Variants in PDZRN4 observed in about 807,000 individuals in gnomAD.
PDZRN4 encodes PDZ domain-containing RING finger protein 4.
In PDZRN4, 70 loss-of-function variants were observed where a neutral mutation model predicts 99.0. The ratio of observed to expected loss-of-function variants is 0.71; its 90% confidence interval spans 0.58 to 0.86. The LOEUF is 0.86. Ranked by LOEUF, PDZRN4 falls within the 40% of genes least tolerant of loss-of-function variation. The pLI, the probability that PDZRN4 is intolerant of heterozygous loss-of-function variation, is 0.00. For synonymous variants in PDZRN4, 551 were observed against 501.6 expected (o/e 1.10, Z -1.32); for missense variants, 1,474 against 1,331.2 (o/e 1.11, Z -1.67).
intron 3 of PDZRN4, among the ~76,000 whole-genome samples, chr12:41,250,785 G>A (rs1423833234): frequency 6.6e-6 from 1 of 152,126 alleles, no homozygotes; most frequent in Admixed American, 6.6e-5. Flanking sequence ...ATCTTTCCTG[G>A]GTGTTTTTCT....
At chr12:41,263,907 T>A (rs1207969088) in intron 3 of PDZRN4, among the ~76,000 whole-genome samples, 1 of 152,196 alleles carries the variant, frequency 6.6e-6, no homozygotes, top group Non-Finnish European at 1.5e-5. Context: ...TTTACATTTA[T>A]CCATCAACAT....
chr12:41,387,573 CAG>C (rs1171687878), intron 3 of PDZRN4, among the ~76,000 whole-genome samples: 1 of 152,072 alleles, frequency 6.6e-6, no homozygotes, highest in Non-Finnish European at 1.5e-5. Context: ...GCCTGGGTGA[CAG>C]AGCAAGACTC....
intron 3 of PDZRN4, among the ~76,000 whole-genome samples, chr12:41,330,971 AT>A (rs1951738067): frequency 6.6e-6 from 1 of 152,106 alleles, no homozygotes; most frequent in South Asian, 2.1e-4. Context: ...TAATATAGTT[AT>A]TTTGTTCCAT....
intron 3 of PDZRN4, among the ~76,000 whole-genome samples, chr12:41,243,693 T>C (rs1300163592): frequency 6.6e-6 from 1 of 152,212 alleles, no homozygotes; most frequent in Non-Finnish European, 1.5e-5. Flanking sequence ...TAATGGTTTT[T>C]CTTACTATGT....
At chr12:41,298,764 T>C (rs1233791042) in intron 3 of PDZRN4, among the ~76,000 whole-genome samples, 3 of 152,182 alleles carry the variant, frequency 2.0e-5, no homozygotes, top group East Asian at 1.9e-4. Flanking sequence ...TAGAAAGAAA[T>C]ATAAATGTTC....
intron 3 of PDZRN4, among the ~76,000 whole-genome samples, chr12:41,382,812 C>T (rs759142244): frequency 4.6e-5 from 7 of 152,124 alleles, no homozygotes; most frequent in African/African-American, 7.2e-5. Flanking sequence ...AGCACAAGAA[C>T]GTGTTAAGAA....
chr12:41,214,829 G>T (rs558513743), intron 3 of PDZRN4, among the ~76,000 whole-genome samples: 82 of 152,094 alleles, frequency 5.4e-4, no homozygotes, highest in African/African-American at 1.9e-3. Context: ...AGAAGTCTGT[G>T]ACTCACAAAT....
intron 5 of PDZRN4, among the ~76,000 whole-genome samples, chr12:41,551,977 G>A (rs1370016345): frequency 6.6e-6 from 1 of 152,108 alleles, no homozygotes; most frequent in African/African-American, 2.4e-5. Flanking sequence ...CCTTAGCCAT[G>A]TGTTTCAGTA....
At chr12:41,458,399 C>T (rs932344073) in intron 3 of PDZRN4, among the ~76,000 whole-genome samples, 6 of 152,230 alleles carry the variant, frequency 3.9e-5, no homozygotes, top group Admixed American at 2.6e-4. Flanking sequence ...TCAGGTGATC[C>T]GCCTGCCTTG....
chr12:41,506,383 T>C, intron 3 of PDZRN4, 73 bp from the exon 4 acceptor site: 1 of 1,403,900 alleles, frequency 7.1e-7, no homozygotes, highest in African/African-American at 1.4e-5. Flanking sequence ...TTTCTCTCTG[T>C]CTTTTATTAA....
intron 5 of PDZRN4, among the ~76,000 whole-genome samples, chr12:41,527,740 A>T (rs1938594004): frequency 6.6e-6 from 1 of 152,210 alleles, no homozygotes; most frequent in South Asian, 2.1e-4. Flanking sequence ...TAAGGAGCCA[A>T]GACAGTCACC....
At chr12:41,519,600 AT>A (rs145818057) in intron 5 of PDZRN4, among the ~76,000 whole-genome samples, 3,885 of 149,302 alleles carry the variant, frequency 0.026, 168 homozygotes, top group African/African-American at 0.086. Context: ...TTCTTCAGTG[AT>A]TTTTTTTTTA....
At chr12:41,411,067 A>ATATATATATATAT (rs34064559) in intron 3 of PDZRN4, among the ~76,000 whole-genome samples, 4 of 140,436 alleles carry the variant, frequency 2.8e-5, no homozygotes, top group African/African-American at 1.1e-4. Flanking sequence ...ATATATATAT[A>ATATATATATATAT]TTTTTTTTTT....
chr12:41,207,980 G>A (rs766861849), intron 3 of PDZRN4, among the ~76,000 whole-genome samples: 10 of 151,668 alleles, frequency 6.6e-5, no homozygotes, highest in Non-Finnish European at 1.0e-4. Context: ...GAAATATAGT[G>A]ATCATTATGT....
chr12:41,250,235 C>A (rs1007747681), intron 3 of PDZRN4, among the ~76,000 whole-genome samples: 2 of 152,114 alleles, frequency 1.3e-5, no homozygotes, highest in Non-Finnish European at 1.5e-5. Flanking sequence ...CAAAAGCGAA[C>A]AACTAATTTT....
At chr12:41,423,808 G>T (rs1952511349) in intron 3 of PDZRN4, among the ~76,000 whole-genome samples, 1 of 152,150 alleles carries the variant, frequency 6.6e-6, no homozygotes, top group Non-Finnish European at 1.5e-5. Context: ...GCTATGGGGA[G>T]CTGGGGTAAG....
At chr12:41,387,427 A>G (rs1166582299) in intron 3 of PDZRN4, among the ~76,000 whole-genome samples, 3 of 152,138 alleles carry the variant, frequency 2.0e-5, no homozygotes, top group Non-Finnish European at 4.4e-5. Flanking sequence ...GTACTAACAT[A>G]CAAAAAAATT....
chr12:41,491,735 T>C (rs904571608), intron 3 of PDZRN4, among the ~76,000 whole-genome samples: 2 of 151,652 alleles, frequency 1.3e-5, no homozygotes, highest in Non-Finnish European at 3.0e-5. Context: ...TTTATTGTCA[T>C]TGGAAATTAC....
chr12:41,205,480 A>C (rs888252213), intron 3 of PDZRN4, among the ~76,000 whole-genome samples: 15 of 151,878 alleles, frequency 9.9e-5, no homozygotes, highest in Admixed American at 6.6e-4. Context: ...CCCTTAGCTC[A>C]CATTGTTCAA....
Sources: allele counts gnomAD v4.1 joint callset (sites outside exome capture counted in the v4.1 genomes callset), GRCh38; gene constraint gnomAD v4.1.1; transcripts MANE v1.5; gene names NCBI Gene and HGNC (gene_info 2026-07-23, HGNC 2026-07-21).